Variants in CDH4 observed in about 807,000 individuals in gnomAD.
CDH4 encodes cadherin-4.
CDH4 carries 33 observed loss-of-function variants against 86.0 expected under a neutral mutation model. The ratio of observed to expected loss-of-function variants is 0.38; its 90% CI spans 0.29 to 0.51. CDH4 has a LOEUF of 0.51. Among genes scored for constraint, CDH4 ranks in the 20% least tolerant of loss-of-function variants. The probability of loss-of-function intolerance (pLI) is 0.86; values close to 1 mark genes in which losing one functional copy is unlikely to be tolerated. For synonymous variants in CDH4, 555 were observed against 549.4 expected (o/e 1.01, Z -0.14); for missense variants, 1,114 against 1,307.4 (o/e 0.85, Z 2.28).
At chr20:61,470,545 C>T (rs1011152144) in intron 2 of CDH4, among the ~76,000 whole-genome samples, 5 of 152,096 alleles carry the variant, frequency 3.3e-5, no homozygotes, top group Non-Finnish European at 7.4e-5. Context: ...TGTCTAATTG[C>T]TGTAGCTAAG....
intron 2 of CDH4, among the ~76,000 whole-genome samples, chr20:61,284,425 T>TG (rs1328705909): frequency 6.6e-6 from 1 of 152,200 alleles, no homozygotes; most frequent in Non-Finnish European, 1.5e-5. Context: ...AGAGATTCAC[T>TG]GGGGCATCGG....
intron 15 of CDH4, among the ~76,000 whole-genome samples, chr20:61,935,142 C>T (rs1009743392): frequency 2.0e-5 from 3 of 152,152 alleles, no homozygotes; most frequent in Admixed American, 6.5e-5. Context: ...TGCTTCTAGT[C>T]GGCGTGAGCC....
At chr20:61,475,193 A>G (rs1438991325) in intron 2 of CDH4, among the ~76,000 whole-genome samples, 2 of 152,132 alleles carry the variant, frequency 1.3e-5, no homozygotes, top group Non-Finnish European at 2.9e-5. Context: ...GCACTGTACC[A>G]AAAAGCACTA....
rs397864968 is a variant in CDH4 at position 61,392,911 on chromosome 20, C to CT, written c.169+137974_169+137975insT. On this transcript the variant is annotated intron_variant, in intron 2 of 15. Coordinates refer to ENST00000614565, the MANE Select transcript of CDH4 (RefSeq NM_001794.5). This position sits in a 1 kb window ranked among gnomAD's most constrained non-coding sequence, Gnocchi z 5.7. ...GCCAGTGGATTGACATAAAGTCTCC[C>CT]GATCAGGGAAGGAGGTGCAGATACT... Among the ~76,000 whole-genome samples the CT allele has an allele frequency of 1.3e-5, 2 of 151,958 alleles. No individual in the cohort carries two copies. Among genetic ancestry groups the CT allele is most frequent in the Admixed American group, 6.6e-5 (1 of 15,258 alleles).
chr20:61,711,840 C>A (rs1462512219), intron 2 of CDH4, among the ~76,000 whole-genome samples: 1 of 151,982 alleles, frequency 6.6e-6, no homozygotes, highest in Non-Finnish European at 1.5e-5. Flanking sequence ...AGGAAGGTGT[C>A]TCTGAGGAAG....
At chr20:61,697,004 A>G (rs980207701) in intron 2 of CDH4, among the ~76,000 whole-genome samples, 1 of 152,208 alleles carries the variant, frequency 6.6e-6, no homozygotes, top group Non-Finnish European at 1.5e-5. Flanking sequence ...CGGAGCTCCC[A>G]GGGGCTGGAA....
At position 61,582,367 on chromosome 20, in the gene CDH4, G is replaced by A. The variant is rs1006001783; in HGVS notation, c.170-161196G>A. Reference sequence around the variant, plus strand: ...GTTCAAGCGCAGTGAAAAAGGCAGCGTGAGCCCTGGGGCTTTCCCAGGGCC... The same window carrying A: ...GTTCAAGCGCAGTGAAAAAGGCAGCATGAGCCCTGGGGCTTTCCCAGGGCC... On this transcript the variant is annotated intron_variant, in intron 2 of 15. Coordinates refer to ENST00000614565, the MANE Select transcript of CDH4 (RefSeq NM_001794.5). This position sits in a 1 kb window ranked among gnomAD's most constrained non-coding sequence, Gnocchi z 4.2. 4.6e-5 allele frequency among the ~76,000 whole-genome samples: 7 copies of A among 152,166 alleles called. No homozygotes were observed. Among genetic ancestry groups the A allele is most frequent in the South Asian group, 2.1e-4 (1 of 4,804 alleles).
intron 8 of CDH4, among the ~76,000 whole-genome samples, chr20:61,907,271 C>T (rs953072692): frequency 6.6e-6 from 1 of 152,142 alleles, no homozygotes; most frequent in African/African-American, 2.4e-5. Context: ...GCCCATTCCC[C>T]GGCCCTTCTG....
intron 2 of CDH4, among the ~76,000 whole-genome samples, chr20:61,416,008 CTTT>C (rs200908333): frequency 8.1e-5 from 11 of 135,420 alleles, no homozygotes; most frequent in Non-Finnish European, 7.8e-5. Flanking sequence ...CCTCTCCTTC[CTTT>C]TTTTTTTTTT....
intron 2 of CDH4, among the ~76,000 whole-genome samples, chr20:61,275,041 G>A (rs1600825124): frequency 7.2e-6 from 1 of 139,192 alleles, no homozygotes; most frequent in Non-Finnish European, 1.5e-5. Flanking sequence ...ACCATGCACA[G>A]TTTGGGGGAG....
chr20:61,431,930 A>G (rs2085249290), intron 2 of CDH4, among the ~76,000 whole-genome samples: 1 of 152,084 alleles, frequency 6.6e-6, no homozygotes, highest in South Asian at 2.1e-4. Flanking sequence ...GCACCGATAC[A>G]TGGATGTCAG....
intron 6 of CDH4, among the ~76,000 whole-genome samples, chr20:61,857,067 C>T (rs1296445773): frequency 6.6e-6 from 1 of 152,228 alleles, no homozygotes; most frequent in Admixed American, 6.5e-5. Flanking sequence ...GCGTGTCTTT[C>T]CCAAGAGTCC....
chr20:61,633,077 T>C (rs1006380212), intron 2 of CDH4, among the ~76,000 whole-genome samples: 1 of 151,070 alleles, frequency 6.6e-6, no homozygotes, highest in African/African-American at 2.4e-5. Flanking sequence ...CATCCATCTA[T>C]CCATCTATCT....
At chr20:61,670,751 C>G (rs1050031982) in intron 2 of CDH4, among the ~76,000 whole-genome samples, 1 of 151,966 alleles carries the variant, frequency 6.6e-6, no homozygotes, top group East Asian at 1.9e-4. Flanking sequence ...AGGGTGTCAA[C>G]GAGGATGAGG....
rs192190917 is a variant in CDH4 at position 61,606,188 on chromosome 20, G to A, written c.170-137375G>A. 3.0e-3 allele frequency among the ~76,000 whole-genome samples: 464 copies of A among 152,312 alleles called. 2 individuals carry two copies. The highest frequency in any genetic ancestry group is 6.6e-3 in the African/African-American group (276 of 41,574). ...CCTCCCCCTGTGGCTCAATGTCCAC[G>A]CAGCAGATGTGGATAGAAGGTGGCC... is the stretch of plus-strand genomic sequence containing the variant. On this transcript the variant is annotated intron_variant, in intron 2 of 15. Coordinates refer to ENST00000614565, the MANE Select transcript of CDH4 (RefSeq NM_001794.5).
At chr20:61,766,155 C>T (rs1028471999) in intron 3 of CDH4, among the ~76,000 whole-genome samples, 7 of 152,020 alleles carry the variant, frequency 4.6e-5, no homozygotes, top group African/African-American at 1.7e-4. Flanking sequence ...TCACGGTGCC[C>T]TCACCAGAGC....
intron 4 of CDH4, among the ~76,000 whole-genome samples, chr20:61,828,594 G>A (rs1981432283): frequency 6.6e-6 from 1 of 152,212 alleles, no homozygotes; most frequent in Non-Finnish European, 1.5e-5. Flanking sequence ...AGGTCCTGAG[G>A]GGAGGGTCCT....
rs1007142637 is a variant in CDH4 at position 61,571,785 on chromosome 20, G to A, written c.170-171778G>A. Among the ~76,000 whole-genome samples, 6 of 5,418 alleles carry A rather than the reference G, an allele frequency of 1.1e-3. No individual in the cohort carries two copies. In the South Asian group the frequency reaches 0.015, roughly 14 times the overall value. 3.6% of individuals were successfully genotyped at this position (5,418 alleles called of 152,430 possible). The stretch of plus-strand genomic sequence containing the variant: ...TTCCCACCCTTCCCCACCCCTTCCC[G>A]CCCCTCCCCTCCCTGCCCCCAGATC... On this transcript the variant is annotated intron_variant, in intron 2 of 15. Transcript: ENST00000614565.
In CDH4 at chr20:61,895,134, G is replaced by A. The variant is rs192288459; in HGVS notation, c.1188+87G>A. 955 of 1,485,356 alleles carry A rather than the reference G, an allele frequency of 6.4e-4. 1 individual carries two copies. The highest frequency in any genetic ancestry group is 1.4e-3 in the African/African-American group (101 of 71,860). The allele number at this position is 1,485,356 out of a possible 1,614,324, so 92.0% of individuals were successfully genotyped here. ...GCGGCACAGCCTCCTCTCTCTCTGCGGCTCTGCCTGACGGGCACTTGGCAG... is the reference window on the plus strand; with the variant it reads ...GCGGCACAGCCTCCTCTCTCTCTGCAGCTCTGCCTGACGGGCACTTGGCAG... On this transcript the variant is annotated intron_variant, in intron 8 of 15. Transcript: ENST00000614565.
Sources: allele counts gnomAD v4.1 joint callset (sites outside exome capture counted in the v4.1 genomes callset), GRCh38; gene constraint gnomAD v4.1.1; non-coding constraint Gnocchi (gnomAD v3.1); transcripts MANE v1.5; gene names NCBI Gene and HGNC (gene_info 2026-07-23, HGNC 2026-07-21).